OXSR1: variants seen among roughly 807,000 people sequenced by gnomAD.
OXSR1 encodes the protein serine/threonine-protein kinase OSR1.
OXSR1 carries 24 observed loss-of-function variants against 79.8 expected under a neutral mutation model. That is an observed-to-expected ratio of 0.30 (90% CI 0.22 to 0.42). The LOEUF is 0.42. Among genes scored for constraint, OXSR1 ranks in the 10% least tolerant of loss-of-function variants. The pLI, the probability that OXSR1 is intolerant of heterozygous loss-of-function variation, is 1.00. For missense variants in OXSR1, 430 were observed against 618.4 expected (o/e 0.70, Z 3.23); for synonymous variants, 226 against 209.2 (o/e 1.08, Z -0.69).
At chr3:38,167,262 A>T (rs1438167906) in intron 1 of OXSR1, among the ~76,000 whole-genome samples, 2 of 152,216 alleles carry the variant, frequency 1.3e-5, no homozygotes, top group African/African-American at 4.8e-5. Context: ...TTGCACATAG[A>T]TTGTAATTCT....
At chr3:38,194,674 T>C (rs986684551) in intron 3 of OXSR1, among the ~76,000 whole-genome samples, 1 of 151,912 alleles carries the variant, frequency 6.6e-6, no homozygotes, top group Non-Finnish European at 1.5e-5. Flanking sequence ...CAGGATGGAG[T>C]GTGTATGTCT....
intron 4 of OXSR1, among the ~76,000 whole-genome samples, chr3:38,210,736 T>G (rs199399): frequency 1.1e-3 from 175 of 152,328 alleles, no homozygotes; most frequent in Non-Finnish European, 2.0e-3. Flanking sequence ...GTCTACATTT[T>G]TGGAGGCAGG....
intron 1 of OXSR1, among the ~76,000 whole-genome samples, chr3:38,174,837 G>A (rs1701649287): frequency 6.6e-6 from 1 of 152,194 alleles, no homozygotes; most frequent in Non-Finnish European, 1.5e-5. Flanking sequence ...CGCTCAGATG[G>A]GAGATCACCA....
intron 4 of OXSR1, among the ~76,000 whole-genome samples, chr3:38,201,064 ATTTTTGCCTAT>A (rs1385184977): frequency 6.6e-6 from 1 of 151,804 alleles, no homozygotes; most frequent in African/African-American, 2.4e-5. Flanking sequence ...TCTGCTTGTG[ATTTTTGCCTAT>A]TTTTCTTTTA....
At chr3:38,188,068 C>T (rs1701916333) in intron 2 of OXSR1, among the ~76,000 whole-genome samples, 1 of 152,098 alleles carries the variant, frequency 6.6e-6, no homozygotes, top group Non-Finnish European at 1.5e-5. Flanking sequence ...GAATAGAAGG[C>T]AAGAAAAAGA....
intron 4 of OXSR1, among the ~76,000 whole-genome samples, chr3:38,212,715 A>G (rs923211452): frequency 2.6e-5 from 4 of 152,220 alleles, no homozygotes; most frequent in Non-Finnish European, 4.4e-5. Context: ...GGCAACAGTG[A>G]CATGTGAGAA....
chr3:38,168,262 T>C (rs1226249084), intron 1 of OXSR1, among the ~76,000 whole-genome samples: 1 of 152,234 alleles, frequency 6.6e-6, no homozygotes, highest in Non-Finnish European at 1.5e-5. Flanking sequence ...TTTTAGTAAA[T>C]TCCCTGTGTC....
chr3:38,174,047 A>G (rs1701633100), intron 1 of OXSR1, among the ~76,000 whole-genome samples: 1 of 152,220 alleles, frequency 6.6e-6, no homozygotes, highest in African/African-American at 2.4e-5. Context: ...AAGGTTCTGA[A>G]GCAGAAGCAT....
At chr3:38,170,800 CT>C (rs1701566533) in intron 1 of OXSR1, among the ~76,000 whole-genome samples, 1 of 152,054 alleles carries the variant, frequency 6.6e-6, no homozygotes, top group Non-Finnish European at 1.5e-5. Flanking sequence ...CTGCTTTTTT[CT>C]GAGAAGGGTC....
intron 10 of OXSR1, among the ~76,000 whole-genome samples, chr3:38,231,843 A>C (rs1262108387): frequency 6.6e-6 from 1 of 152,216 alleles, no homozygotes; most frequent in Non-Finnish European, 1.5e-5. Context: ...GCAGTGGCTC[A>C]TGCCTGTAAT....
chr3:38,208,641 G>T lies in OXSR1; in HGVS notation c.435-7455G>T, dbSNP rs180967819. ...TTCTAGGCCGGGCGCAGTGGCTCACGCCTGTAATCCCAGCACTTTGGGAGG... is the reference window on the plus strand; with the variant it reads ...TTCTAGGCCGGGCGCAGTGGCTCACTCCTGTAATCCCAGCACTTTGGGAGG... On this transcript the variant is annotated intron_variant, in intron 4 of 17. Coordinates refer to ENST00000311806, the MANE Select transcript of OXSR1 (RefSeq NM_005109.3). 5.9e-5 allele frequency among the ~76,000 whole-genome samples: 9 copies of T among 152,154 alleles called. 1 individual carries two copies. Among genetic ancestry groups the T allele is most frequent in the Admixed American group, 4.6e-4 (7 of 15,286 alleles).
At chr3:38,170,973 T>C (rs1386117894) in intron 1 of OXSR1, among the ~76,000 whole-genome samples, 1 of 152,090 alleles carries the variant, frequency 6.6e-6, no homozygotes, top group Non-Finnish European at 1.5e-5. Flanking sequence ...AGACAGGGTC[T>C]CATATGTTGT....
In OXSR1 at chr3:38,245,666, A is replaced by G. The variant is rs34230652; in HGVS notation, c.1111-409A>G. On this transcript the variant is annotated intron_variant, in intron 12 of 17. Transcript: ENST00000311806. ...ATGATTCCATTTATATGAAATATCC[A>G]GAAAAGCAAATTTATAGAAATTAGG... is the stretch of plus-strand genomic sequence containing the variant. Among the ~76,000 whole-genome samples, 384 of 152,346 alleles carry G rather than the reference A, an allele frequency of 2.5e-3. 4 individuals are homozygous for G. Among genetic ancestry groups the G allele is most frequent in the African/African-American group, 7.9e-3 (327 of 41,572 alleles).
chr3:38,253,147 A>G lies in OXSR1; in HGVS notation c.*256A>G. 2.1e-6 allele frequency: 1 copy of G among 470,530 alleles called. No individual in the cohort carries two copies. Among genetic ancestry groups the G allele is most frequent in the South Asian group, 2.9e-5 (1 of 35,076 alleles). 29.1% of individuals were successfully genotyped at this position (470,530 alleles called of 1,614,324 possible). ...TATGTCCCCTGTCTTCCTCCATCTGAGAAGTGGCCCATGTGCTTCAAGGCC... is the reference window on the plus strand; with the variant it reads ...TATGTCCCCTGTCTTCCTCCATCTGGGAAGTGGCCCATGTGCTTCAAGGCC... On this transcript the variant is annotated 3_prime_UTR_variant, in exon 18 of 18. Transcript: ENST00000311806.
chr3:38,191,919 A>G (rs1381303054), intron 3 of OXSR1, among the ~76,000 whole-genome samples: 1 of 152,204 alleles, frequency 6.6e-6, no homozygotes, highest in Non-Finnish European at 1.5e-5. Context: ...ACATCCTTCT[A>G]TGAAGAACTT....
intron 10 of OXSR1, 117 bp downstream of exon 10, chr3:38,230,547 C>A: frequency 1.4e-6 from 1 of 701,800 alleles, no homozygotes; most frequent in East Asian, 2.6e-5. Flanking sequence ...TCTGTCGATC[C>A]TTTCTAAAGC....
chr3:38,183,675 A>G lies in OXSR1; in HGVS notation c.183+560A>G, dbSNP rs148203259. 5.9e-5 allele frequency among the ~76,000 whole-genome samples: 9 copies of G among 152,272 alleles called. No homozygotes were observed. In the East Asian group the frequency reaches 1.5e-3, roughly 26 times the overall value. On this transcript the variant is annotated intron_variant, in intron 2 of 17. Transcript: ENST00000311806. ...TCTAATGCTGGATATAAGACAAGAG[A>G]TAGAATGACCCCCAGGCAGCATTAG...
intron 5 of OXSR1, among the ~76,000 whole-genome samples, chr3:38,216,838 G>A (rs575565915): frequency 9.2e-5 from 14 of 152,090 alleles, no homozygotes; most frequent in South Asian, 2.1e-4. Flanking sequence ...TAATTTAGGC[G>A]AACATCTTCA....
chr3:38,192,614 A>G (rs906934290), intron 3 of OXSR1, among the ~76,000 whole-genome samples: 1 of 152,362 alleles, frequency 6.6e-6, no homozygotes, highest in South Asian at 2.1e-4. Context: ...CTTGCAGTAT[A>G]TATACAAGTA....
Sources: allele counts gnomAD v4.1 joint callset (sites outside exome capture counted in the v4.1 genomes callset), GRCh38; gene constraint gnomAD v4.1.1; transcripts MANE v1.5; gene names NCBI Gene and HGNC (gene_info 2026-07-23, HGNC 2026-07-21).